The following NDST3 variants were observed in gnomAD, a reference collection of about 807,000 sequenced individuals.
NDST3 encodes the protein bifunctional heparan sulfate N-deacetylase/N-sulfotransferase 3.
In NDST3, 58 loss-of-function variants were observed where a neutral mutation model predicts 96.1. The observed-to-expected ratio is 0.60, with a 90% CI of 0.49 to 0.75. NDST3 has a LOEUF of 0.75. Among genes scored for constraint, NDST3 ranks in the 30% least tolerant of loss-of-function variants. NDST3 has a pLI of 0.00. For missense variants in NDST3, 788 were observed against 1,034.2 expected (o/e 0.76, Z 3.27); for synonymous variants, 333 against 359.7 (o/e 0.93, Z 0.84).
At chr4:118,122,136 C>A (rs962962544) in intron 4 of NDST3, among the ~76,000 whole-genome samples, 1 of 152,098 alleles carries the variant, frequency 6.6e-6, no homozygotes, top group African/African-American at 2.4e-5. Context: ...GAAAATAGTG[C>A]CTTACTGTCC....
At chr4:118,176,173 A>G (rs1161029637) in intron 6 of NDST3, among the ~76,000 whole-genome samples, 1 of 151,910 alleles carries the variant, frequency 6.6e-6, no homozygotes, top group African/African-American at 2.4e-5. Flanking sequence ...CTTGAATTTA[A>G]GTCTTAAAAA....
At chr4:118,143,745 G>A in intron 6 of NDST3, 61 bp downstream of exon 6, 7 of 1,520,162 alleles carry the variant, frequency 4.6e-6, no homozygotes, top group Non-Finnish European at 6.2e-6. Context: ...AAATTACCCT[G>A]GCAAAGAGGC....
chr4:118,240,461 T>C, intron 10 of NDST3, 63 bp from the exon 11 acceptor site: 1 of 1,353,398 alleles, frequency 7.4e-7, no homozygotes, highest in East Asian at 2.5e-5. Flanking sequence ...GTCACAAAGA[T>C]TGATTTTTAA....
intron 4 of NDST3, among the ~76,000 whole-genome samples, chr4:118,134,124 C>T (rs932593228): frequency 3.3e-5 from 5 of 152,082 alleles, no homozygotes; most frequent in African/African-American, 1.2e-4. Context: ...CAGATTTATC[C>T]AGGTGAAGAT....
At chr4:118,147,723 A>C (rs751536035) in intron 6 of NDST3, among the ~76,000 whole-genome samples, 8 of 152,216 alleles carry the variant, frequency 5.3e-5, no homozygotes, top group Non-Finnish European at 8.8e-5. Flanking sequence ...TAATATGCTG[A>C]TTGGAAAAGT....
At chr4:118,230,700 G>A (rs1424881662) in intron 8 of NDST3, among the ~76,000 whole-genome samples, 2 of 152,152 alleles carry the variant, frequency 1.3e-5, no homozygotes, top group Non-Finnish European at 2.9e-5. Flanking sequence ...CTAGTTAGAG[G>A]ACCACTGTTT....
At chr4:118,091,974 A>G (rs772528218) in intron 2 of NDST3, among the ~76,000 whole-genome samples, 10 of 151,556 alleles carry the variant, frequency 6.6e-5, no homozygotes, top group Admixed American at 6.6e-5. Flanking sequence ...TTTTATTGTA[A>G]TGATTATGTT....
chr4:118,145,884 C>T (rs1733904125), intron 6 of NDST3, among the ~76,000 whole-genome samples: 1 of 152,182 alleles, frequency 6.6e-6, no homozygotes, highest in Non-Finnish European at 1.5e-5. Flanking sequence ...TTATCTGGCA[C>T]ACCAACTCTA....
chr4:118,093,823 T>C (rs1729076613), intron 2 of NDST3, among the ~76,000 whole-genome samples: 1 of 151,832 alleles, frequency 6.6e-6, no homozygotes, highest in Non-Finnish European at 1.5e-5. Context: ...CTGGGTAATT[T>C]ATAAATAATA....
intron 6 of NDST3, among the ~76,000 whole-genome samples, chr4:118,222,008 AAAAT>A (rs1292824491): frequency 3.3e-5 from 5 of 151,706 alleles, no homozygotes; most frequent in African/African-American, 9.7e-5. Context: ...AAAAAAAACA[AAAAT>A]AAAACCTCAG....
intron 7 of NDST3, 101 bp downstream of exon 7, chr4:118,224,774 A>G: frequency 9.6e-7 from 1 of 1,039,572 alleles, no homozygotes; most frequent in Non-Finnish European, 1.3e-6. Context: ...AAAAACCTGC[A>G]TTTTGGAAAT....
intron 4 of NDST3, among the ~76,000 whole-genome samples, chr4:118,134,046 T>A (rs1467432084): frequency 1.3e-5 from 2 of 152,252 alleles, no homozygotes; most frequent in African/African-American, 4.8e-5. Flanking sequence ...AGTTTTAATG[T>A]CGACTTCATT....
At chr4:118,055,266 T>A (rs80167686) in intron 2 of NDST3, 12,797 of 227,150 alleles carry the variant, frequency 0.056, 495 homozygotes, top group Non-Finnish European at 0.079. Context: ...GTCTTAATGA[T>A]AATAAATATT....
At chr4:118,242,295 A>C (rs78597265) in intron 12 of NDST3, 146 bp downstream of exon 12, 2 of 554,194 alleles carry the variant, frequency 3.6e-6, no homozygotes, top group African/African-American at 1.9e-5. Context: ...GAAAAAAAAA[A>C]CATTTCAACA....
In NDST3 at chr4:118,133,642, T is replaced by C. The variant is rs184047306; in HGVS notation, c.1225-4412T>C. Among the ~76,000 whole-genome samples, 3 of 152,350 alleles carry C rather than the reference T, an allele frequency of 2.0e-5. No homozygotes were observed. The East Asian group carries it at 5.8e-4, about 29-fold the overall frequency. The stretch of plus-strand genomic sequence containing the variant: ...GGGTACAAATGGTATAGGGTTCTAT[T>C]CTGCCATTTTGCTCTGCCCTCATAA... On this transcript the variant is annotated intron_variant, in intron 4 of 13. Transcript: ENST00000296499.
chr4:118,208,712 A>C (rs113125092), intron 6 of NDST3, among the ~76,000 whole-genome samples: 1 of 144,192 alleles, frequency 6.9e-6, no homozygotes, highest in Non-Finnish European at 1.5e-5. Context: ...CTCTCTACTT[A>C]AAGAACTGGG....
At chr4:118,218,071 A>G (rs1221008585) in intron 6 of NDST3, among the ~76,000 whole-genome samples, 1 of 152,066 alleles carries the variant, frequency 6.6e-6, no homozygotes, top group Non-Finnish European at 1.5e-5. Context: ...CCAACCAAAA[A>G]AAAGCCCAAG....
intron 4 of NDST3, among the ~76,000 whole-genome samples, chr4:118,130,721 A>G (rs1409644349): frequency 6.6e-6 from 1 of 152,160 alleles, no homozygotes; most frequent in Admixed American, 6.5e-5. Context: ...TTCAGATTGA[A>G]AAACTCCCTT....
In NDST3 at chr4:118,244,195, G is replaced by C. The variant is rs536002886; in HGVS notation, c.2399+2046G>C. 3.3e-5 allele frequency among the ~76,000 whole-genome samples: 5 copies of C among 152,230 alleles called. No homozygotes were observed. In the South Asian group the frequency reaches 8.3e-4, roughly 25 times the overall value. On this transcript the variant is annotated intron_variant, in intron 12 of 13. Coordinates refer to ENST00000296499, the MANE Select transcript of NDST3 (RefSeq NM_004784.3). Reference sequence around the variant, plus strand: ...GCAGTGCACTAGTTGTAGAATATTTGGAAGTTTCATGTCATTGTCTTGGGT... The same window carrying C: ...GCAGTGCACTAGTTGTAGAATATTTCGAAGTTTCATGTCATTGTCTTGGGT...
Sources: gnomAD v4.1 joint callset for allele counts (sites outside exome capture counted in the v4.1 genomes callset) on GRCh38, gnomAD v4.1.1 for gene constraint, MANE v1.5 for transcripts, NCBI Gene and HGNC (gene_info 2026-07-23, HGNC 2026-07-21) for gene names.